The following ELAVL2 variants were observed in gnomAD, a reference collection of about 807,000 sequenced individuals.
ELAVL2 encodes the protein ELAV like RNA binding protein 2.
Under a neutral mutation model 34.6 loss-of-function variants are expected in ELAVL2, and 4 were observed. The ratio of observed to expected loss-of-function variants is 0.12; its 90% CI spans 0.06 to 0.26. The LOEUF (loss-of-function observed/expected upper bound fraction) is 0.26. ELAVL2 is among the 10% of genes least tolerant of loss of function. The pLI, the probability that ELAVL2 is intolerant of heterozygous loss-of-function variation, is 1.00. For synonymous variants in ELAVL2, 193 were observed against 154.8 expected, an observed-to-expected ratio of 1.25 and a Z score of -1.83; for missense variants, 432 against 442.8, an observed-to-expected ratio of 0.98 and a Z score of 0.22.
At chr9:23,836,476 T>A in the ELAVL2 span, among the ~76,000 whole-genome samples, 2 of 152,194 alleles carry the variant, frequency 1.3e-5, no homozygotes. Flanking sequence ...TACTAATATT[T>A]CTAGATATAA....
At chr9:23,837,356 G>A in the ELAVL2 span, among the ~76,000 whole-genome samples, 6 of 152,292 alleles carry the variant, frequency 3.9e-5, no homozygotes, top group African/African-American at 1.4e-4. Flanking sequence ...GGAGGCATGA[G>A]TCCTAGTATT....
intron 1 of ELAVL2, among the ~76,000 whole-genome samples, chr9:23,798,000 A>G (rs1421907457): frequency 6.6e-6 from 1 of 152,206 alleles, no homozygotes; most frequent in Non-Finnish European, 1.5e-5. Flanking sequence ...ATCAAGAGAA[A>G]AAGTTATTTG....
the ELAVL2 span, among the ~76,000 whole-genome samples, chr9:23,835,537 A>C: frequency 6.6e-6 from 1 of 152,182 alleles, no homozygotes; most frequent in East Asian, 1.9e-4. Context: ...TATCAAAATA[A>C]ATATCTAAAG....
At chr9:23,693,973 T>C (rs910005383) in intron 5 of ELAVL2, among the ~76,000 whole-genome samples, 7 of 152,176 alleles carry the variant, frequency 4.6e-5, no homozygotes, top group African/African-American at 1.4e-4. Flanking sequence ...TTCTATACAT[T>C]TTCCTTTCAT....
In ELAVL2 at chr9:23,762,261, G is replaced by C. The variant is rs770673494; in HGVS notation, c.-15-12C>G. 10 of 1,611,210 alleles carry C rather than the reference G, an allele frequency of 6.2e-6. No homozygotes were observed. Among genetic ancestry groups the C allele is most frequent in the Non-Finnish European group, 1.7e-6 (2 of 1,178,354 alleles). On this transcript the variant is annotated splice_polypyrimidine_tract_variant and intron_variant, in intron 1 of 6. Transcript: ENST00000397312. ...GCAGCAATTACCTGCTAAAAACAGA[G>C]AAAACAAGAAATGTCAGAATTCATA...
intron 3 of ELAVL2, among the ~76,000 whole-genome samples, chr9:23,705,704 G>A (rs1587418001): frequency 6.6e-6 from 1 of 152,336 alleles, no homozygotes; most frequent in East Asian, 1.9e-4. Flanking sequence ...AATAGGGTTT[G>A]TGCCCTGATG....
chr9:23,691,020 T>A lies in ELAVL2; in HGVS notation c.*1537A>T, dbSNP rs570909564. ...ATTTGTTCAAAACCTATGGTTATACTCATTTTTTTATACCACAAACATATT... is the reference window on the plus strand; with the variant it reads ...ATTTGTTCAAAACCTATGGTTATACACATTTTTTTATACCACAAACATATT... On this transcript the variant is annotated 3_prime_UTR_variant, in exon 7 of 7. Transcript: ENST00000397312. The A allele has an allele frequency of 2.6e-5, 4 of 152,718 alleles. No homozygotes were observed. In the South Asian group the frequency reaches 8.3e-4, roughly 32 times the overall value. The allele number at this position is 152,718 out of a possible 1,614,324, so 9.5% of individuals were successfully genotyped here. A position where few individuals can be genotyped will look rare whatever the true frequency, so the allele number is the denominator to read the frequency against.
chr9:23,748,061 T>C (rs1051246026), intron 2 of ELAVL2, among the ~76,000 whole-genome samples: 13 of 151,980 alleles, frequency 8.6e-5, no homozygotes, highest in African/African-American at 2.4e-4. Context: ...GATATTTAAG[T>C]TTTCTCTAAC....
chr9:23,734,550 A>G (rs1421605621), intron 2 of ELAVL2, among the ~76,000 whole-genome samples: 1 of 152,206 alleles, frequency 6.6e-6, no homozygotes, highest in Admixed American at 6.5e-5. Context: ...CATATTGCGT[A>G]TAAGCCCAGG....
At chr9:23,742,060 G>C (rs533982722) in intron 2 of ELAVL2, among the ~76,000 whole-genome samples, 182 of 152,234 alleles carry the variant, frequency 1.2e-3, no homozygotes, top group Non-Finnish European at 2.0e-3. Context: ...AAAGTAACTA[G>C]AAGGGCAAGA....
chr9:23,708,033 G>T (rs553867679), intron 3 of ELAVL2, among the ~76,000 whole-genome samples: 1 of 148,398 alleles, frequency 6.7e-6, no homozygotes, highest in Non-Finnish European at 1.5e-5. Context: ...AACATACCTA[G>T]GTCAGTTATG....
chr9:23,764,969 A>C (rs766661495), intron 1 of ELAVL2: 2 of 1,597,676 alleles, frequency 1.3e-6, no homozygotes, highest in African/African-American at 1.4e-5. Flanking sequence ...AACATGCTAA[A>C]AAAAAGTAGC....
intron 2 of ELAVL2, among the ~76,000 whole-genome samples, chr9:23,740,386 CT>C (rs146974257): frequency 0.056 from 8,482 of 152,262 alleles, 299 homozygotes; most frequent in African/African-American, 0.083. Flanking sequence ...GCACACACAG[CT>C]AGCTCAAAGG....
At chr9:23,837,779 TA>T in the ELAVL2 span, among the ~76,000 whole-genome samples, 9 of 152,274 alleles carry the variant, frequency 5.9e-5, no homozygotes, top group East Asian at 1.7e-3. Context: ...ACGATGAACA[TA>T]AACAGATAAA....
At chr9:23,714,583 A>T (rs994113576) in intron 3 of ELAVL2, among the ~76,000 whole-genome samples, 1 of 152,206 alleles carries the variant, frequency 6.6e-6, no homozygotes, top group Non-Finnish European at 1.5e-5. Flanking sequence ...TTACATATTA[A>T]ACCTCTCACT....
intron 1 of ELAVL2, among the ~76,000 whole-genome samples, chr9:23,784,703 G>A (rs547660600): frequency 6.6e-6 from 1 of 152,296 alleles, no homozygotes; most frequent in East Asian, 1.9e-4. Flanking sequence ...CCCAGAGGCT[G>A]GCTCAGTGTT....
intron 3 of ELAVL2, among the ~76,000 whole-genome samples, chr9:23,717,021 C>T (rs573614270): frequency 6.6e-6 from 1 of 152,286 alleles, no homozygotes; most frequent in East Asian, 1.9e-4. Flanking sequence ...AAGGAGAATA[C>T]AGAGACAGTT....
intron 1 of ELAVL2, among the ~76,000 whole-genome samples, chr9:23,804,418 T>G (rs1222780327): frequency 1.3e-5 from 2 of 152,180 alleles, no homozygotes. Context: ...ACATAGATCT[T>G]TTTGAATGCT....
chr9:23,692,530 T>C lies in ELAVL2; in HGVS notation c.*27A>G, dbSNP rs753544119. On this transcript the variant is annotated 3_prime_UTR_variant, in exon 7 of 7. Transcript: ENST00000397312. ...TTGCCTTTGTTGTATAGTTTTCATA[T>C]ATAAATGGACTGAGGACAAGAGCTC... 5.7e-6 allele frequency: 9 copies of C among 1,584,988 alleles called. No homozygotes were observed. In the Admixed American group the frequency reaches 1.2e-4, roughly 22 times the overall value.
Sources: gnomAD v4.1 joint callset for allele counts (sites outside exome capture counted in the v4.1 genomes callset) on GRCh38, gnomAD v4.1.1 for gene constraint, MANE v1.5 for transcripts, NCBI Gene and HGNC (gene_info 2026-07-23, HGNC 2026-07-21) for gene names.